TDRD3: variants seen among roughly 807,000 people sequenced by gnomAD.
The protein encoded by TDRD3 is tudor domain-containing protein 3.
TDRD3 carries 45 observed loss-of-function variants against 86.7 expected under a neutral mutation model. That is an observed-to-expected ratio of 0.52 (90% CI 0.41 to 0.67). TDRD3 has a LOEUF of 0.67. Ranked by LOEUF, TDRD3 falls within the 30% of genes least tolerant of loss-of-function variation. The pLI is 0.00. For missense variants in TDRD3, 814 were observed against 889.0 expected (o/e 0.92, Z 1.07); for synonymous variants, 298 against 301.7 (o/e 0.99, Z 0.13).
chr13:60,521,828 T>C (rs1299722527), intron 10 of TDRD3, among the ~76,000 whole-genome samples: 1 of 151,332 alleles, frequency 6.6e-6, no homozygotes, highest in Admixed American at 6.6e-5. Context: ...ACCCGGGAGG[T>C]GGAGGTTGCG....
intron 1 of TDRD3, among the ~76,000 whole-genome samples, chr13:60,421,228 T>C (rs1372342455): frequency 6.6e-6 from 1 of 152,074 alleles, no homozygotes; most frequent in African/African-American, 2.4e-5. Flanking sequence ...CACAGTTCCA[T>C]ATGGCTCAGG....
intron 12 of TDRD3, among the ~76,000 whole-genome samples, chr13:60,545,867 T>C (rs1352379245): frequency 6.6e-6 from 1 of 152,086 alleles, no homozygotes; most frequent in Non-Finnish European, 1.5e-5. Context: ...GTTTATTCTC[T>C]TCCTTTTTGT....
intron 10 of TDRD3, among the ~76,000 whole-genome samples, chr13:60,523,657 G>A (rs1194844468): frequency 7.0e-6 from 1 of 143,830 alleles, no homozygotes; most frequent in East Asian, 2.1e-4. Flanking sequence ...CCTCACTGCA[G>A]CCTCCACCTC....
At chr13:60,421,575 G>A (rs971289676) in intron 1 of TDRD3, among the ~76,000 whole-genome samples, 8 of 152,168 alleles carry the variant, frequency 5.3e-5, no homozygotes, top group Non-Finnish European at 1.0e-4. Context: ...CTAGAAAATG[G>A]TGGCAGTGTA....
At chr13:60,549,845 G>A (rs1425559036) in intron 12 of TDRD3, among the ~76,000 whole-genome samples, 2 of 151,886 alleles carry the variant, frequency 1.3e-5, no homozygotes, top group South Asian at 2.1e-4. Context: ...AGTGCTCATC[G>A]TATTTTTTTT....
chr13:60,433,145 A>G (rs1954996686), intron 1 of TDRD3, among the ~76,000 whole-genome samples: 1 of 152,206 alleles, frequency 6.6e-6, no homozygotes, highest in Non-Finnish European at 1.5e-5. Flanking sequence ...TCAATGTGCA[A>G]TAATTCTGTA....
At chr13:60,474,530 A>T (rs1444524383) in intron 5 of TDRD3, among the ~76,000 whole-genome samples, 2 of 152,194 alleles carry the variant, frequency 1.3e-5, no homozygotes, top group Non-Finnish European at 2.9e-5. Context: ...TGGTTGCTGT[A>T]AGGTTTAAGA....
chr13:60,396,294 G>T (rs1239012622), upstream of TDRD3, among the ~76,000 whole-genome samples: 1 of 152,226 alleles, frequency 6.6e-6, no homozygotes, highest in Non-Finnish European at 1.5e-5. Context: ...CCGCAGAGGT[G>T]AAAGACCAAG....
At chr13:60,448,520 A>G (rs543581480) in intron 3 of TDRD3, among the ~76,000 whole-genome samples, 2 of 152,226 alleles carry the variant, frequency 1.3e-5, no homozygotes, top group South Asian at 4.1e-4. Flanking sequence ...CCTTGATGCA[A>G]AAGTTTCAGA....
chr13:60,564,040 G>A (rs1215424198), intron 12 of TDRD3, among the ~76,000 whole-genome samples: 2 of 152,138 alleles, frequency 1.3e-5, no homozygotes, highest in Non-Finnish European at 2.9e-5. Flanking sequence ...GATTATTGCG[G>A]TTTTGTATCT....
rs1953942193 is a variant in TDRD3 at position 60,397,284 on chromosome 13, TTA to T, written c.-80_-79del. 1.4e-6 allele frequency: 1 copy of T among 734,322 alleles called. No homozygotes were observed. The highest frequency in any genetic ancestry group is 2.0e-6 in the Non-Finnish European group (1 of 504,192). 45.5% of individuals were successfully genotyped at this position (734,322 alleles called of 1,614,324 possible). ...TTTCTTTTCTTTTCTTTTTTTTTTT[TTA>T]AGGGGGGGGGTCTCAAGTAGGAGGC... On this transcript the variant is annotated 5_prime_UTR_variant, in exon 1 of 14. An upstream open reading frame in the 5' UTR gains an earlier in-frame stop. Coordinates refer to ENST00000377881, the MANE Select transcript of TDRD3 (RefSeq NM_001146070.2).
chr13:60,514,945 T>A lies in TDRD3; in HGVS notation c.1141+4190T>A, dbSNP rs566380065. 1.2e-4 allele frequency among the ~76,000 whole-genome samples: 18 copies of A among 152,338 alleles called. No homozygotes were observed. In the South Asian group the frequency reaches 2.9e-3, roughly 25 times the overall value. On this transcript the variant is annotated intron_variant, in intron 10 of 13. Coordinates refer to ENST00000377881, the MANE Select transcript of TDRD3 (RefSeq NM_001146070.2). ...TATTCATTCAATAAATGCAGTATTT[T>A]ATTTAGTATTTAAAATACCTCATTC... is the stretch of plus-strand genomic sequence containing the variant.
chr13:60,476,601 T>C (rs371325365), intron 5 of TDRD3, among the ~76,000 whole-genome samples: 1 of 152,086 alleles, frequency 6.6e-6, no homozygotes, highest in African/African-American at 2.4e-5. Flanking sequence ...AAGAATAACA[T>C]TGATAGTTTG....
intron 12 of TDRD3, chr13:60,537,075 ATTTTC>A (rs1017105849): frequency 6.6e-6 from 1 of 151,980 alleles, no homozygotes; most frequent in Non-Finnish European, 1.5e-5. Context: ...TTATTAACCT[ATTTTC>A]TTTCTCTGCA....
At position 60,458,983 on chromosome 13, in the gene TDRD3, A is replaced by G. The variant is rs144766896; in HGVS notation, c.193-1397A>G. ...TTCATCCTGAATTAGCAGCTTATCT[A>G]TACTTGTTAACAGTTTCGGACTTGC... On this transcript the variant is annotated intron_variant, in intron 3 of 13. Transcript: ENST00000377881. Among the ~76,000 whole-genome samples, 123 of 152,344 alleles carry G rather than the reference A, an allele frequency of 8.1e-4. 2 individuals carry two copies. The South Asian group carries it at 0.012, about 15-fold the overall frequency.
chr13:60,519,949 T>A (rs1957255849), intron 10 of TDRD3, among the ~76,000 whole-genome samples: 1 of 152,200 alleles, frequency 6.6e-6, no homozygotes, highest in Non-Finnish European at 1.5e-5. Flanking sequence ...GTTGTATTGT[T>A]GGTGTGTGTG....
Position 60,445,662 on chromosome 13 carries a change from C to T in TDRD3, c.192+914C>T, listed in dbSNP as rs568090124. Among the ~76,000 whole-genome samples the T allele has an allele frequency of 4.8e-3, 733 of 152,216 alleles. 9 individuals are homozygous for T. The highest frequency in any genetic ancestry group is 0.017 in the African/African-American group (707 of 41,536). ...GGATGGAATCCAAGAATTTGCATTT[C>T]GAACAGTTTTCCAGGAGATGTAGAG... On this transcript the variant is annotated intron_variant, in intron 3 of 13. Coordinates refer to ENST00000377881, the MANE Select transcript of TDRD3 (RefSeq NM_001146070.2).
chr13:60,444,004 G>A (rs1955342536), intron 2 of TDRD3, among the ~76,000 whole-genome samples: 1 of 151,960 alleles, frequency 6.6e-6, no homozygotes, highest in African/African-American at 2.4e-5. Flanking sequence ...TGTAGATTGT[G>A]TAGTCAGAAT....
At chr13:60,500,709 T>C (rs1320491328) in intron 8 of TDRD3, among the ~76,000 whole-genome samples, 7 of 152,198 alleles carry the variant, frequency 4.6e-5, no homozygotes, top group African/African-American at 1.7e-4. Context: ...ATCAGGGACT[T>C]GGAAGAAGCA....
Sources: allele counts gnomAD v4.1 joint callset (sites outside exome capture counted in the v4.1 genomes callset), GRCh38; gene constraint gnomAD v4.1.1; transcripts MANE v1.5; gene names NCBI Gene and HGNC (gene_info 2026-07-23, HGNC 2026-07-21).